The following ZFAND4 variants were observed in gnomAD, a reference collection of about 807,000 sequenced individuals.
ZFAND4 encodes zinc finger AN1-type containing 4, also known as AN1-type zinc finger protein 4.
ZFAND4 carries 43 observed loss-of-function variants against 64.4 expected under a neutral mutation model. The ratio of observed to expected loss-of-function variants is 0.67; its 90% CI spans 0.52 to 0.86. The LOEUF (loss-of-function observed/expected upper bound fraction) is 0.86, where lower values mean the gene tolerates loss of function less well. Ranked by LOEUF, ZFAND4 falls within the 40% of genes least tolerant of loss-of-function variation. The pLI, the probability that ZFAND4 is intolerant of heterozygous loss-of-function variation, is 0.00. For missense variants in ZFAND4, 929 were observed against 859.8 expected (o/e 1.08, Z -1.01); for synonymous variants, 296 against 305.7 (o/e 0.97, Z 0.33).
intron 3 of ZFAND4, among the ~76,000 whole-genome samples, chr10:45,652,631 C>A (rs138332491): frequency 2.0e-5 from 3 of 152,042 alleles, no homozygotes; most frequent in African/African-American, 7.2e-5. Context: ...TCTCTCTTAT[C>A]CAAAACTCTT....
chr10:45,635,302 C>G (rs572389535), intron 6 of ZFAND4, among the ~76,000 whole-genome samples: 1 of 149,280 alleles, frequency 6.7e-6, no homozygotes, highest in East Asian at 1.9e-4. Context: ...CAAAACAGCA[C>G]AGTACTGACA....
chr10:45,655,967 C>CA (rs1307436099), intron 2 of ZFAND4, among the ~76,000 whole-genome samples: 1 of 152,202 alleles, frequency 6.6e-6, no homozygotes, highest in African/African-American at 2.4e-5. Flanking sequence ...CGCAGTGGCT[C>CA]ACGCCTGTAA....
chr10:45,616,639 G>A, intron 9 of ZFAND4, 68 bp from the exon 10 acceptor site: 1 of 1,562,292 alleles, frequency 6.4e-7, no homozygotes, highest in Non-Finnish European at 8.7e-7. Context: ...CTGGGAGACA[G>A]GAGCTTGACT....
rs560245673 is a variant in ZFAND4 at position 45,672,380 on chromosome 10, G to A, written c.-248C>T. On this transcript the variant is annotated 5_prime_UTR_variant, in exon 1 of 10. The change creates a new upstream start codon in the 5' untranslated region. Coordinates refer to ENST00000344646, the MANE Select transcript of ZFAND4 (RefSeq NM_174890.4). ...AACAGCGACTCGGAGATCAGCACCC[G>A]TCGGGAAAGCCGCGTACCCGTTGAA... 1.4e-4 allele frequency: 21 copies of A among 152,472 alleles called. No individual in the cohort carries two copies. Among genetic ancestry groups the A allele is most frequent in the Middle Eastern group, 3.4e-3 (1 of 296 alleles). The allele number at this position is 152,472 out of a possible 1,614,324, so 9.4% of individuals were successfully genotyped here.
chr10:45,634,591 A>G (rs1398793239), intron 6 of ZFAND4, among the ~76,000 whole-genome samples: 2 of 152,172 alleles, frequency 1.3e-5, no homozygotes, highest in African/African-American at 4.8e-5. Context: ...TTTCAGACAA[A>G]TGCTGAGAGA....
chr10:45,648,311 T>C lies in ZFAND4; in HGVS notation c.552A>G (p.Lys184=), dbSNP rs775969212. 1 of 1,611,084 alleles carries C rather than the reference T, an allele frequency of 6.2e-7. No individual in the cohort carries two copies. Among genetic ancestry groups the C allele is most frequent in the Admixed American group, 1.7e-5 (1 of 59,524 alleles). The change falls in exon 5 of 10, where the codon AAA becomes AAG. Residue 184 remains lysine (K), a synonymous_variant. Transcript: ENST00000344646. The stretch of plus-strand genomic sequence containing the variant: ...TGGAGTACCTCATACGATGTTCTCC[T>C]TTTCTCCGTAGGACATGCAAATGAA... ...IDFHLHVLRR[K]GEHRMSGGSM...
chr10:45,625,725 G>T (rs1006944948), intron 7 of ZFAND4, among the ~76,000 whole-genome samples: 2 of 152,074 alleles, frequency 1.3e-5, no homozygotes, highest in African/African-American at 4.8e-5. Flanking sequence ...CTGATAAACT[G>T]TTTACATTAA....
rs1299646741 is a variant in ZFAND4, at chr10:45,626,297, G to T, written c.1526C>A (p.Ser509Ter). 4 of 1,614,044 alleles carry T rather than the reference G, an allele frequency of 2.5e-6. No homozygotes were observed. In the East Asian group the frequency reaches 6.7e-5, roughly 27 times the overall value. Residue 509 changes from serine (S) to a stop codon, truncating the protein, a stop_gained, in exon 7 of 10, where the codon TCA (serine) becomes TAA (stop). Transcript: ENST00000344646. LOFTEE classifies it high-confidence loss of function. ...ATCAGTTATGTTTTGAACATCCAGT[G>T]ACTGAGAAGAAGAAGGCTGTAGCTT... The part of the protein sequence containing the change: ...FGKLQPSSSQ[S>*]LDVQNITDSS...
chr10:45,648,366 G>A lies in ZFAND4; in HGVS notation c.497C>T (p.Pro166Leu), dbSNP rs751503546. 3 of 1,613,584 alleles carry A rather than the reference G, an allele frequency of 1.9e-6. No homozygotes were observed. Among genetic ancestry groups the A allele is most frequent in the African/African-American group, 1.3e-5 (1 of 74,872 alleles). ...AVDRGDGTLT[P>L]LSDSSKKIDF... ...TATTTTCTTTGAAGAGTCAGATAAC[G>A]GTGTTAAAGTGCCATCTCCCCTATC... is the stretch of plus-strand genomic sequence containing the variant. The change falls in exon 5 of 10, where the codon CCG becomes CTG. Residue 166 changes from proline (P) to leucine (L), a missense_variant. Coordinates refer to ENST00000344646, the MANE Select transcript of ZFAND4 (RefSeq NM_174890.4).
At chr10:45,662,039 G>A (rs1376781841) in intron 2 of ZFAND4, among the ~76,000 whole-genome samples, 3 of 152,040 alleles carry the variant, frequency 2.0e-5, no homozygotes, top group Non-Finnish European at 4.4e-5. Context: ...TGCCCATGCT[G>A]GTACCCTGAT....
At chr10:45,636,305 G>A (rs1461367611) in intron 6 of ZFAND4, among the ~76,000 whole-genome samples, 1 of 152,078 alleles carries the variant, frequency 6.6e-6, no homozygotes, top group East Asian at 1.9e-4. Context: ...ATTGTAATCA[G>A]AGAGCATTTT....
intron 2 of ZFAND4, chr10:45,662,718 T>A (rs2048559312): frequency 3.1e-6 from 3 of 957,270 alleles, no homozygotes; most frequent in Admixed American, 6.2e-5. Context: ...CTCATATATA[T>A]CCTTGGCCTC....
intron 6 of ZFAND4, among the ~76,000 whole-genome samples, chr10:45,638,538 T>C (rs780912538): frequency 7.2e-5 from 11 of 151,904 alleles, no homozygotes; most frequent in Admixed American, 1.3e-4. Context: ...CTTGGCAAAA[T>C]TGTCTGGCAT....
Position 45,627,039 on chromosome 10 carries a change from C to T in ZFAND4, c.784G>A (p.Ala262Thr). 1 of 1,599,934 alleles carries T rather than the reference C, an allele frequency of 6.3e-7. No homozygotes were observed. The highest frequency in any genetic ancestry group is 8.5e-7 in the Non-Finnish European group (1 of 1,172,140). Residue 262 changes from alanine to threonine, a missense_variant, in exon 7 of 10, where the codon GCA becomes ACA. Physicochemically the swap from Ala to Thr is moderately conservative, Grantham distance 58. Coordinates refer to ENST00000344646, the MANE Select transcript of ZFAND4 (RefSeq NM_174890.4). Reference sequence around the variant, plus strand: ...CTTAACAATCGGTGGCGAGATGGTGCAGTGGAACCACTAGAAGGTCGAGGA... The same window carrying T: ...CTTAACAATCGGTGGCGAGATGGTGTAGTGGAACCACTAGAAGGTCGAGGA... ...VAPRPSSGST[A>T]PSRHRLLRVL...
chr10:45,656,248 AGAG>A (rs965716381), intron 2 of ZFAND4, among the ~76,000 whole-genome samples: 1 of 151,788 alleles, frequency 6.6e-6, no homozygotes, highest in Non-Finnish European at 1.5e-5. Context: ...AGAGAAGAGA[AGAG>A]AAGAGAAGAG....
In ZFAND4 at chr10:45,626,123, A is replaced by G. The variant is rs575699725; in HGVS notation, c.1700T>C (p.Ile567Thr). The G allele has an allele frequency of 3.7e-6, 6 of 1,614,104 alleles. No homozygotes were observed. The highest frequency in any genetic ancestry group is 2.2e-5 in the East Asian group (1 of 44,876). The change falls in exon 7 of 10, where the codon ATC (isoleucine) becomes ACC (threonine). Residue 567 changes from isoleucine to threonine, a missense_variant. Ile to Thr is a moderately conservative substitution (Grantham distance 89). Coordinates refer to ENST00000344646, the MANE Select transcript of ZFAND4 (RefSeq NM_174890.4). ...SKEPVGCVNNISFLASLAGST... is the reference protein window; with the variant it reads ...SKEPVGCVNNTSFLASLAGST... ...CCCGGCCAGTGAGGCAAGAAAACTG[A>G]TATTATTTACACAACCAACAGGCTC... is the stretch of plus-strand genomic sequence containing the variant.
At chr10:45,645,861 T>C (rs1281149467) in intron 5 of ZFAND4, among the ~76,000 whole-genome samples, 1 of 152,172 alleles carries the variant, frequency 6.6e-6, no homozygotes, top group Non-Finnish European at 1.5e-5. Context: ...CTGAGGAGCT[T>C]CCAGGGCAAA....
At chr10:45,634,455 G>T (rs568941186) in intron 6 of ZFAND4, among the ~76,000 whole-genome samples, 57 of 151,552 alleles carry the variant, frequency 3.8e-4, no homozygotes, top group Non-Finnish European at 6.6e-4. Flanking sequence ...CTTGAACCCA[G>T]GAGGTGGAGG....
intron 2 of ZFAND4, 46 bp from the exon 3 acceptor site, chr10:45,653,105 A>G: frequency 1.5e-6 from 2 of 1,364,664 alleles, no homozygotes; most frequent in South Asian, 1.2e-5. Flanking sequence ...ATTCAATAGC[A>G]TCTCCAAAAG....
Sources: allele counts gnomAD v4.1 joint callset (sites outside exome capture counted in the v4.1 genomes callset), GRCh38; gene constraint gnomAD v4.1.1; transcripts MANE v1.5; gene names NCBI Gene and HGNC (gene_info 2026-07-23, HGNC 2026-07-21).